GPHN: variants seen among roughly 807,000 people sequenced by gnomAD.
The protein encoded by GPHN is gephyrin.
GPHN carries 17 observed loss-of-function variants against 95.5 expected under a neutral mutation model. The observed-to-expected ratio is 0.18, with a 90% CI of 0.12 to 0.27. GPHN has a LOEUF of 0.27. GPHN is among the 10% of genes least tolerant of loss of function. The pLI is 1.00. For synonymous variants in GPHN, 320 were observed against 322.5 expected (o/e 0.99, Z 0.08); for missense variants, 660 against 978.1 (o/e 0.67, Z 4.34).
chr14:67,704,552 G>A, the GPHN span, among the ~76,000 whole-genome samples: 19,229 of 152,150 alleles, frequency 0.13, 1,484 homozygotes, highest in South Asian at 0.34. Flanking sequence ...GCACTTGCAA[G>A]TGGAAGGATG....
At chr14:66,657,760 T>A (rs1566773532) in intron 1 of GPHN, among the ~76,000 whole-genome samples, 1 of 151,892 alleles carries the variant, frequency 6.6e-6, no homozygotes, top group Non-Finnish European at 1.5e-5. Flanking sequence ...AAAAATAGAT[T>A]AAAAAAAATA....
chr14:67,445,196 T>C, the GPHN span, among the ~76,000 whole-genome samples: 2 of 152,168 alleles, frequency 1.3e-5, no homozygotes, highest in African/African-American at 4.8e-5. Flanking sequence ...AGTAGAGCAA[T>C]TTCTTGAGTT....
intron 4 of GPHN, among the ~76,000 whole-genome samples, chr14:66,851,269 T>C (rs913620014): frequency 6.6e-6 from 1 of 151,866 alleles, no homozygotes; most frequent in African/African-American, 2.4e-5. Flanking sequence ...TCCCAGAAAA[T>C]GGCCCTTGTT....
At chr14:66,802,805 C>T (rs1377630853) in intron 3 of GPHN, among the ~76,000 whole-genome samples, 1 of 152,164 alleles carries the variant, frequency 6.6e-6, no homozygotes, top group African/African-American at 2.4e-5. Flanking sequence ...CTATCCTGCT[C>T]TGGCTGAGCT....
chr14:67,565,647 C>G, the GPHN span, among the ~76,000 whole-genome samples: 59,085 of 152,058 alleles, frequency 0.39, 11,868 homozygotes, highest in Non-Finnish European at 0.43. Flanking sequence ...GCAGACATCC[C>G]CTCCACAGAT....
Position 67,103,119 on chromosome 14 carries a change from G to T in GPHN, c.1293+2208G>T, listed in dbSNP as rs114598506. On this transcript the variant is annotated intron_variant, in intron 13 of 22. Transcript: ENST00000478722. ...TCTTGAGACAGAGTCTTGCTCTGTT[G>T]CCCAGCATGATCTCAGCTCACTGCA... Among the ~76,000 whole-genome samples, 751 of 152,184 alleles carry T rather than the reference G, an allele frequency of 4.9e-3. 12 individuals are homozygous for T. Among genetic ancestry groups the T allele is most frequent in the African/African-American group, 0.018 (732 of 41,488 alleles).
chr14:67,532,683 A>C, the GPHN span, among the ~76,000 whole-genome samples: 1 of 152,180 alleles, frequency 6.6e-6, no homozygotes, highest in African/African-American at 2.4e-5. Context: ...CGAGACCAGA[A>C]AATAAGCAAG....
the GPHN span, chr14:67,447,933 G>A: frequency 6.6e-6 from 1 of 151,970 alleles, no homozygotes; most frequent in African/African-American, 2.4e-5. Context: ...CTTGCATCTG[G>A]AAGTGAAAGA....
chr14:66,655,187 G>A (rs1234646010), intron 1 of GPHN, among the ~76,000 whole-genome samples: 1 of 152,052 alleles, frequency 6.6e-6, no homozygotes, highest in East Asian at 1.9e-4. Flanking sequence ...AACAAGCTAA[G>A]CTTTTGTTAT....
At chr14:67,645,871 T>C in the GPHN span, 1 of 1,561,162 alleles carries the variant, frequency 6.4e-7, no homozygotes, top group South Asian at 1.2e-5. Context: ...TCTAGTTCAG[T>C]TAAGATTTTG....
the GPHN span, among the ~76,000 whole-genome samples, chr14:67,362,231 G>C: frequency 4.0e-5 from 6 of 151,708 alleles, no homozygotes; most frequent in African/African-American, 1.5e-4. Flanking sequence ...TGTTGACCAG[G>C]CTGGCCTCGA....
chr14:67,688,372 G>A, the GPHN span, among the ~76,000 whole-genome samples: 1 of 152,166 alleles, frequency 6.6e-6, no homozygotes, highest in African/African-American at 2.4e-5. Context: ...ATACAATTAA[G>A]GGGTAAATCC....
At position 67,082,944 on chromosome 14, in the gene GPHN, AT is replaced by A. The variant is rs1350794692; in HGVS notation, c.1145-6038del. On this transcript the variant is annotated intron_variant, in intron 11 of 22. Coordinates refer to ENST00000478722, the MANE Select transcript of GPHN (RefSeq NM_020806.5). The stretch of plus-strand genomic sequence containing the variant: ...GCTATTATGAAAAATGATGTTAAAA[AT>A]AATTATGCTCAAGTTTTTGTGTGGC... Among the ~76,000 whole-genome samples the A allele has an allele frequency of 2.0e-5, 3 of 152,310 alleles. No individual in the cohort carries two copies. In the East Asian group the frequency reaches 5.8e-4, roughly 29 times the overall value.
chr14:66,670,993 T>C (rs148299042), intron 1 of GPHN, among the ~76,000 whole-genome samples: 2,025 of 152,256 alleles, frequency 0.013, 21 homozygotes, highest in Middle Eastern at 0.02. Context: ...ATATGAAGAA[T>C]GAAAGATGGT....
chr14:66,765,275 A>C (rs1261682961), intron 2 of GPHN, among the ~76,000 whole-genome samples: 2 of 152,184 alleles, frequency 1.3e-5, no homozygotes, highest in Non-Finnish European at 2.9e-5. Context: ...TGAAAGAAAA[A>C]AACAGAATTA....
intron 1 of GPHN, among the ~76,000 whole-genome samples, chr14:66,670,020 T>C (rs1276731125): frequency 1.3e-5 from 2 of 152,196 alleles, no homozygotes; most frequent in Non-Finnish European, 2.9e-5. Context: ...TAATAAAACC[T>C]GAACATTTTG....
chr14:67,670,593 C>T, the GPHN span, among the ~76,000 whole-genome samples: 1 of 151,654 alleles, frequency 6.6e-6, no homozygotes, highest in South Asian at 2.1e-4. Context: ...GATAGAGTCT[C>T]GCTCTGTCGC....
the GPHN span, among the ~76,000 whole-genome samples, chr14:67,311,375 T>C: frequency 6.6e-6 from 1 of 151,994 alleles, no homozygotes; most frequent in Non-Finnish European, 1.5e-5. Flanking sequence ...CTTGAATTCT[T>C]AGACTGTTTG....
chr14:67,712,341 TA>T, the GPHN span, among the ~76,000 whole-genome samples: 2 of 152,220 alleles, frequency 1.3e-5, no homozygotes, highest in South Asian at 4.2e-4. Flanking sequence ...ATAGTGCACT[TA>T]AAAATTTTGT....
Sources: allele counts gnomAD v4.1 joint callset (sites outside exome capture counted in the v4.1 genomes callset), GRCh38; gene constraint gnomAD v4.1.1; transcripts MANE v1.5; gene names NCBI Gene and HGNC (gene_info 2026-07-23, HGNC 2026-07-21).